The following PTPDC1 variants were observed in gnomAD, a reference collection of about 807,000 sequenced individuals.
PTPDC1 encodes the protein protein tyrosine phosphatase domain containing 1, also known as protein tyrosine phosphatase domain-containing protein 1.
A neutral mutation model predicts 75.3 loss-of-function variants in PTPDC1; 53 were observed. That is an observed-to-expected ratio of 0.70 (90% CI 0.56 to 0.88). PTPDC1 has a LOEUF of 0.88. PTPDC1 is among the 40% of genes least tolerant of loss of function. The probability of loss-of-function intolerance (pLI) is 0.00; values close to 1 mark genes in which losing one functional copy is unlikely to be tolerated. For synonymous variants in PTPDC1, 349 were observed against 366.2 expected, an observed-to-expected ratio of 0.95 and a Z score of 0.54; for missense variants, 925 against 998.6, an observed-to-expected ratio of 0.93 and a Z score of 0.99.
At chr9:94,033,565 C>G (rs952457297) in intron 1 of PTPDC1, among the ~76,000 whole-genome samples, 1 of 152,214 alleles carries the variant, frequency 6.6e-6, no homozygotes, top group Non-Finnish European at 1.5e-5. Flanking sequence ...CTCTGATTCT[C>G]ACTTTCCTAA....
At chr9:94,078,276 CT>C (rs1826762440) in intron 2 of PTPDC1, among the ~76,000 whole-genome samples, 1 of 152,192 alleles carries the variant, frequency 6.6e-6, no homozygotes, top group African/African-American at 2.4e-5. Flanking sequence ...AGAAATCTTG[CT>C]GCATGTAAGA....
At chr9:94,064,692 G>A (rs373768433) in intron 1 of PTPDC1, 5 of 1,452,278 alleles carry the variant, frequency 3.4e-6, no homozygotes, top group South Asian at 2.3e-5. Context: ...ATAAATGACT[G>A]TCCCAAGGCA....
At chr9:94,066,969 T>G (rs1245712563) in intron 2 of PTPDC1, among the ~76,000 whole-genome samples, 3 of 152,344 alleles carry the variant, frequency 2.0e-5, no homozygotes, top group East Asian at 3.9e-4. Context: ...CCCCCATATA[T>G]GCATCATCCC....
chr9:94,030,868 G>C (rs1052045892), exon 1 of PTPDC1: 3 of 152,138 alleles, frequency 2.0e-5, no homozygotes, highest in Non-Finnish European at 4.4e-5. Flanking sequence ...CAGCCCAGGC[G>C]CTCGCCCCAG....
chr9:94,045,078 G>A (rs1286206505), intron 1 of PTPDC1, among the ~76,000 whole-genome samples: 8 of 140,764 alleles, frequency 5.7e-5, no homozygotes, highest in East Asian at 2.1e-4. Flanking sequence ...CCACCTATGA[G>A]TGAGAACACG....
intron 6 of PTPDC1, 62 bp downstream of exon 6, chr9:94,098,641 G>T: frequency 7.4e-7 from 1 of 1,343,592 alleles, no homozygotes; most frequent in East Asian, 2.4e-5. Context: ...GGGCAAAAGT[G>T]TGATACATTT....
intron 1 of PTPDC1, among the ~76,000 whole-genome samples, chr9:94,045,137 T>C (rs1351834248): frequency 6.6e-6 from 1 of 151,880 alleles, no homozygotes; most frequent in African/African-American, 2.4e-5. Flanking sequence ...AATGATGGTT[T>C]CCATCTTCAT....
chr9:94,107,133 T>C (rs981633520), intron 8 of PTPDC1, among the ~76,000 whole-genome samples: 2 of 152,112 alleles, frequency 1.3e-5, no homozygotes, highest in Non-Finnish European at 1.5e-5. Flanking sequence ...TTTTAATTTT[T>C]TGTAGAGATG....
intron 2 of PTPDC1, among the ~76,000 whole-genome samples, chr9:94,078,519 A>G (rs1398171519): frequency 6.6e-6 from 1 of 152,142 alleles, no homozygotes; most frequent in Non-Finnish European, 1.5e-5. Flanking sequence ...AATGTTTTTC[A>G]TCAGATTTGG....
intron 1 of PTPDC1, among the ~76,000 whole-genome samples, chr9:94,032,867 A>T (rs1233931690): frequency 6.6e-6 from 1 of 151,432 alleles, no homozygotes; most frequent in Non-Finnish European, 1.5e-5. Context: ...TTATTTATTT[A>T]TTTTTTAAGT....
At chr9:94,075,419 T>A (rs946579479) in intron 2 of PTPDC1, among the ~76,000 whole-genome samples, 10 of 152,126 alleles carry the variant, frequency 6.6e-5, no homozygotes, top group African/African-American at 2.2e-4. Flanking sequence ...AAACTGGGGG[T>A]TGGAAGATGA....
Position 94,108,445 on chromosome 9 carries a change from A to G in PTPDC1, c.*501A>G, listed in dbSNP as rs1828098944. 1 of 152,642 alleles carries G rather than the reference A, an allele frequency of 6.6e-6. No homozygotes were observed. Among genetic ancestry groups the G allele is most frequent in the Non-Finnish European group, 1.5e-5 (1 of 68,052 alleles). The allele number at this position is 152,642 out of a possible 1,614,324, so 9.5% of individuals were successfully genotyped here. A position where few individuals can be genotyped will look rare whatever the true frequency, so the allele number is the denominator to read the frequency against. On this transcript the variant is annotated 3_prime_UTR_variant, in exon 9 of 9. Coordinates refer to ENST00000620992, the MANE Select transcript of PTPDC1 (RefSeq NM_001253829.2). ...TTACGAAGAAGGCTATTGCTACAAT[A>G]TTTTTAAAGGTTTCTTTTTTAACTT...
At chr9:94,105,061 ACAT>A (rs1462225385) in intron 8 of PTPDC1, among the ~76,000 whole-genome samples, 20 of 152,244 alleles carry the variant, frequency 1.3e-4, no homozygotes, top group Admixed American at 1.3e-3. Flanking sequence ...TTGAATGACA[ACAT>A]CTGTGGTAAC....
intron 2 of PTPDC1, among the ~76,000 whole-genome samples, chr9:94,072,286 A>G (rs1015776716): frequency 2.0e-5 from 3 of 152,200 alleles, no homozygotes; most frequent in Non-Finnish European, 4.4e-5. Flanking sequence ...GATTATAGGC[A>G]TGAGCCACCA....
Position 94,061,469 on chromosome 9 carries a change from A to C in PTPDC1, c.-6-3265A>C, listed in dbSNP as rs149745695. On this transcript the variant is annotated intron_variant, in intron 1 of 9. Transcript: ENST00000375360. ...AGTGGGGACTCTGTGTAGGGGGTCC[A>C]ACCCCACATTTCCCCTCTGTGCTGC... 4.4e-3 allele frequency among the ~76,000 whole-genome samples: 672 copies of C among 152,346 alleles called. 4 individuals are homozygous for C. Among genetic ancestry groups the C allele is most frequent in the Non-Finnish European group, 7.7e-3 (526 of 68,020 alleles).
intron 1 of PTPDC1, among the ~76,000 whole-genome samples, chr9:94,054,361 A>G (rs567020727): frequency 2.0e-5 from 3 of 152,192 alleles, no homozygotes; most frequent in Non-Finnish European, 4.4e-5. Flanking sequence ...AGGTCTGCAT[A>G]TACATTCTCA....
intron 1 of PTPDC1, among the ~76,000 whole-genome samples, chr9:94,056,744 T>C (rs930288066): frequency 6.6e-6 from 1 of 152,240 alleles, no homozygotes; most frequent in Non-Finnish European, 1.5e-5. Context: ...ATGACTTTTA[T>C]GAAGTAGGAC....
At chr9:94,105,363 G>A (rs1235469104) in intron 8 of PTPDC1, among the ~76,000 whole-genome samples, 1 of 152,222 alleles carries the variant, frequency 6.6e-6, no homozygotes, top group Non-Finnish European at 1.5e-5. Flanking sequence ...GAAGGTTGTG[G>A]TTTGGTGTTT....
intron 2 of PTPDC1, among the ~76,000 whole-genome samples, chr9:94,075,853 A>G (rs1826666782): frequency 6.6e-6 from 1 of 152,228 alleles, no homozygotes; most frequent in African/African-American, 2.4e-5. Context: ...ATAATTATCA[A>G]TAATTCACCC....
Sources: gnomAD v4.1 joint callset for allele counts (sites outside exome capture counted in the v4.1 genomes callset) on GRCh38, gnomAD v4.1.1 for gene constraint, MANE v1.5 for transcripts, NCBI Gene and HGNC (gene_info 2026-07-23, HGNC 2026-07-21) for gene names.